UNC5A: variants seen among roughly 807,000 people sequenced by gnomAD.
UNC5A encodes the protein unc-5 netrin receptor A, also known as netrin receptor UNC5A.
A neutral mutation model predicts 87.4 loss-of-function variants in UNC5A; 20 were observed. That is an observed-to-expected ratio of 0.23 (90% CI 0.16 to 0.33). The LOEUF (loss-of-function observed/expected upper bound fraction) is 0.33, where lower values mean the gene tolerates loss of function less well. Among genes scored for constraint, UNC5A ranks in the 10% least tolerant of loss-of-function variants. UNC5A has a pLI of 1.00. For synonymous variants in UNC5A, 438 were observed against 482.3 expected (o/e 0.91, Z 1.20); for missense variants, 844 against 1,133.4 (o/e 0.74, Z 3.67).
At position 176,875,468 on chromosome 5, in the gene UNC5A, C is replaced by G. The variant is rs1758240126; in HGVS notation, c.1378+902C>G. ...TTGACCTGCTGCTCGTCCTCTCTTGCCCCCCGCCAGCTTCAGTCCCACGCC... is the reference window on the plus strand; with the variant it reads ...TTGACCTGCTGCTCGTCCTCTCTTGGCCCCCGCCAGCTTCAGTCCCACGCC... On this transcript the variant is annotated intron_variant, in intron 8 of 14. Coordinates refer to ENST00000329542, the MANE Select transcript of UNC5A (RefSeq NM_133369.3). This position sits in a 1 kb window ranked among gnomAD's most constrained non-coding sequence, Gnocchi z 5.2. 6.9e-6 allele frequency among the ~76,000 whole-genome samples: 1 copy of G among 144,754 alleles called. No homozygotes were observed. The highest frequency in any genetic ancestry group is 2.9e-5 in the African/African-American group (1 of 34,642). 95.0% of individuals were successfully genotyped at this position (144,754 alleles called of 152,430 possible).
rs548906731 is a variant in UNC5A at position 176,842,014 on chromosome 5, G to A, written c.71-20610G>A. On this transcript the variant is annotated intron_variant, in intron 1 of 14. Transcript: ENST00000329542. ...AGATCGAGACCATCCTGGCTAACAT[G>A]GTGAAACCCCGTTTCTACTAAAAAT... Among the ~76,000 whole-genome samples, 302 of 152,302 alleles carry A rather than the reference G, an allele frequency of 2.0e-3. 1 individual carries two copies. The highest frequency in any genetic ancestry group is 7.0e-3 in the African/African-American group (290 of 41,566).
intron 1 of UNC5A, among the ~76,000 whole-genome samples, chr5:176,850,284 G>T (rs1757511920): frequency 6.6e-6 from 1 of 152,230 alleles, no homozygotes; most frequent in South Asian, 2.1e-4. Flanking sequence ...TTGGTGACCA[G>T]GGATGGGACT....
intron 2 of UNC5A, among the ~76,000 whole-genome samples, chr5:176,864,378 A>G (rs1435647868): frequency 6.6e-6 from 1 of 152,196 alleles, no homozygotes; most frequent in Non-Finnish European, 1.5e-5. Flanking sequence ...CTGCGGTCGC[A>G]CTTGCACTGT....
In UNC5A at chr5:176,868,801, C is replaced by T. The variant is rs752798654; in HGVS notation, c.558C>T (p.Asn186=). 19 of 1,600,074 alleles carry T rather than the reference C, an allele frequency of 1.2e-5. No homozygotes were observed. The highest frequency in any genetic ancestry group is 8.4e-5 in the Admixed American group (5 of 59,548). ...TCCCCTAGGTGGAGTGGCTCCGGAACGAGGACCTGGTGGACCCGTCCCTGG... is the reference window on the plus strand; with the variant it reads ...TCCCCTAGGTGGAGTGGCTCCGGAATGAGGACCTGGTGGACCCGTCCCTGG... ...IPPAEVEWLR[N]EDLVDPSLDP... is the part of the protein sequence containing the mutation. Residue 186 remains asparagine, a synonymous_variant, in exon 5 of 15, where the codon AAC becomes AAT. Coordinates refer to ENST00000329542, the MANE Select transcript of UNC5A (RefSeq NM_133369.3).
chr5:176,865,620 T>C lies in UNC5A; in HGVS notation c.293-2510T>C, dbSNP rs1757956475. On this transcript the variant is annotated intron_variant, in intron 2 of 14. Transcript: ENST00000329542. This position sits in a 1 kb window ranked among gnomAD's most constrained non-coding sequence, Gnocchi z 5.3. ...CCCAAAGCCATCGAGTGCTTTGAGG[T>C]GAAGAAAAAGGCTTTCCTTACCCAC... The C allele has an allele frequency of 4.4e-6, 2 of 456,652 alleles. No individual in the cohort carries two copies. Among genetic ancestry groups the C allele is most frequent in the Admixed American group, 2.3e-5 (1 of 42,568 alleles). The allele number at this position is 456,652 out of a possible 1,614,324, so 28.3% of individuals were successfully genotyped here. A position where few individuals can be genotyped will look rare whatever the true frequency, so the allele number is the denominator to read the frequency against.
chr5:176,880,069 T>G lies in UNC5A; in HGVS notation c.*183T>G. On this transcript the variant is annotated 3_prime_UTR_variant, in exon 15 of 15. Transcript: ENST00000329542. ...CCCGAACTCCCACCTCTCCATGGCC[T>G]GCCTAGCCAGGCTGGCACTGCCACT... 2.6e-6 allele frequency: 2 copies of G among 775,016 alleles called. No individual in the cohort carries two copies. The highest frequency in any genetic ancestry group is 3.9e-6 in the Non-Finnish European group (2 of 506,796). The allele number at this position is 775,016 out of a possible 1,614,324, so 48.0% of individuals were successfully genotyped here.
rs2962775 is a variant in UNC5A, at chr5:176,872,873, C to A, written c.887-1095C>A. Among the ~76,000 whole-genome samples the A allele has an allele frequency of 2.8e-3, 349 of 124,710 alleles. 1 individual carries two copies. The highest frequency in any genetic ancestry group is 9.9e-3 in the African/African-American group (310 of 31,470). 81.8% of individuals were successfully genotyped at this position (124,710 alleles called of 152,430 possible). Reference sequence around the variant, plus strand: ...CCACACTCACCAACACCACAGCTTCCCATCTGCCCACACCTGCCCCAACAC... The same window carrying A: ...CCACACTCACCAACACCACAGCTTCACATCTGCCCACACCTGCCCCAACAC... On this transcript the variant is annotated intron_variant, in intron 6 of 14. Transcript: ENST00000329542.
chr5:176,841,735 G>C lies in UNC5A; in HGVS notation c.71-20889G>C, dbSNP rs751038467. 6.6e-6 allele frequency among the ~76,000 whole-genome samples: 1 copy of C among 152,210 alleles called. No homozygotes were observed. The highest frequency in any genetic ancestry group is 2.4e-5 in the African/African-American group (1 of 41,448). On this transcript the variant is annotated intron_variant, in intron 1 of 14. Transcript: ENST00000329542. The surrounding 1 kb of genome is among the most constrained non-coding windows in gnomAD (Gnocchi z 4.1). ...ATATATGTCCACCAAAGACCTGTCT[G>C]TGAAAGCTCTTAGCAGATTTACTGA...
chr5:176,859,791 GC>G, intron 1 of UNC5A, among the ~76,000 whole-genome samples: 2 of 68,004 alleles, frequency 2.9e-5, no homozygotes, highest in Non-Finnish European at 1.2e-4. Flanking sequence ...GGGCATAGCT[GC>G]TAGAATGTCC....
chr5:176,859,526 G>T (rs1757775877), intron 1 of UNC5A, among the ~76,000 whole-genome samples: 1 of 96,028 alleles, frequency 1.0e-5, no homozygotes, highest in African/African-American at 2.9e-5. Flanking sequence ...CTGCTAGAAT[G>T]TCCTTGCTAG....
rs1756437638 is a variant in UNC5A, at chr5:176,810,964, GC to G, written c.70+145del. 4.7e-6 allele frequency: 3 copies of G among 639,428 alleles called. No homozygotes were observed. The highest frequency in any genetic ancestry group is 6.2e-6 in the Non-Finnish European group (3 of 481,174). 39.6% of individuals were successfully genotyped at this position (639,428 alleles called of 1,614,324 possible). A position where few individuals can be genotyped will look rare whatever the true frequency, so the allele number is the denominator to read the frequency against. On this transcript the variant is annotated intron_variant, in intron 1 of 14. Transcript: ENST00000329542. The surrounding 1 kb of genome is among the most constrained non-coding windows in gnomAD (Gnocchi z 7.3). ...AACTTTGCGAGGCGGGACGCGGGGG[GC>G]TCTTCTTGCTGCTGCGCAGCTTCCC...
chr5:176,858,145 T>C (rs911133462), intron 1 of UNC5A, among the ~76,000 whole-genome samples: 2 of 152,230 alleles, frequency 1.3e-5, no homozygotes, highest in East Asian at 1.9e-4. Flanking sequence ...CTGCACGGCA[T>C]GGACCGAGGA....
At chr5:176,877,744 G>A (rs768017637) in intron 10 of UNC5A, 41 bp downstream of exon 10, 8 of 1,556,148 alleles carry the variant, frequency 5.1e-6, no homozygotes, top group Middle Eastern at 2.1e-4. Context: ...GGGAACGTGG[G>A]CTAACTGCAC....
At chr5:176,826,886 G>A (rs767508126) in intron 1 of UNC5A, among the ~76,000 whole-genome samples, 121 of 152,054 alleles carry the variant, frequency 8.0e-4, no homozygotes, top group Non-Finnish European at 1.5e-3. Flanking sequence ...TGATCTGCCC[G>A]TCTCGGCCTC....
At chr5:176,829,197 GAT>G (rs1561643077) in intron 1 of UNC5A, among the ~76,000 whole-genome samples, 14 of 26,884 alleles carry the variant, frequency 5.2e-4, no homozygotes, top group Admixed American at 1.1e-3. Flanking sequence ...TGGATGGATG[GAT>G]GGATGGTTGG....
chr5:176,835,729 ATGTG>A (rs55990257), intron 1 of UNC5A, among the ~76,000 whole-genome samples: 183 of 145,394 alleles, frequency 1.3e-3, no homozygotes, highest in African/African-American at 4.3e-3. Flanking sequence ...TTGATAAAGG[ATGTG>A]TGTGTGTGTG....
At chr5:176,862,455 C>A (rs1031769391) in intron 1 of UNC5A, among the ~76,000 whole-genome samples, 169 bp from the exon 2 acceptor site, 2 of 152,184 alleles carry the variant, frequency 1.3e-5, no homozygotes, top group East Asian at 3.8e-4. Flanking sequence ...CATGGAGGCC[C>A]GGGTGGGGGA....
intron 9 of UNC5A, 78 bp downstream of exon 9, chr5:176,877,357 C>CAGGATGTGCTG: frequency 7.0e-7 from 1 of 1,431,840 alleles, no homozygotes; most frequent in Non-Finnish European, 9.6e-7. Flanking sequence ...CCCCTGCCCA[C>CAGGATGTGCTG]CCACTGTTGT....
Position 176,875,111 on chromosome 5 carries a change from C to A in UNC5A, c.1378+545C>A, listed in dbSNP as rs1386918215. Among the ~76,000 whole-genome samples, 2 of 152,234 alleles carry A rather than the reference C, an allele frequency of 1.3e-5. No homozygotes were observed. The highest frequency in any genetic ancestry group is 4.8e-5 in the African/African-American group (2 of 41,462). On this transcript the variant is annotated intron_variant, in intron 8 of 14. Coordinates refer to ENST00000329542, the MANE Select transcript of UNC5A (RefSeq NM_133369.3). The surrounding 1 kb of genome is among the most constrained non-coding windows in gnomAD (Gnocchi z 5.2). ...CCATGCGCTCCTGGTTTGCTTGCCC[C>A]TCTCCAGCTGCCTGTTCCATAAATG... is the stretch of plus-strand genomic sequence containing the variant.
Sources: allele counts gnomAD v4.1 joint callset (sites outside exome capture counted in the v4.1 genomes callset), GRCh38; gene constraint gnomAD v4.1.1; non-coding constraint Gnocchi (gnomAD v3.1); transcripts MANE v1.5; gene names NCBI Gene and HGNC (gene_info 2026-07-23, HGNC 2026-07-21).